The following SHTN1 variants were observed in gnomAD, a reference collection of about 807,000 sequenced individuals.
SHTN1 encodes shootin-1.
A neutral mutation model predicts 83.1 loss-of-function variants in SHTN1; 42 were observed. That is an observed-to-expected ratio of 0.51 (90% CI 0.39 to 0.65). The LOEUF (loss-of-function observed/expected upper bound fraction) is 0.65, where lower values mean the gene tolerates loss of function less well. Among genes scored for constraint, SHTN1 ranks in the 30% least tolerant of loss-of-function variants. SHTN1 has a pLI of 0.00. For missense variants in SHTN1, 622 were observed against 737.8 expected, an observed-to-expected ratio of 0.84 and a Z score of 1.82; for synonymous variants, 224 against 247.7, an observed-to-expected ratio of 0.90 and a Z score of 0.90.
intron 1 of SHTN1, among the ~76,000 whole-genome samples, chr10:116,996,803 A>G (rs938694380): frequency 6.6e-6 from 1 of 152,346 alleles, no homozygotes; most frequent in Admixed American, 6.5e-5. Flanking sequence ...AAGATATGAG[A>G]CAATATACTT....
intron 1 of SHTN1, among the ~76,000 whole-genome samples, chr10:117,120,719 C>A (rs1249736399): frequency 6.6e-6 from 1 of 151,892 alleles, no homozygotes; most frequent in East Asian, 1.9e-4. Context: ...AGCAGGGTGA[C>A]TATAATTTAC....
At chr10:116,927,736 C>T in intron 11 of SHTN1, 56 bp downstream of exon 11, 1 of 1,443,832 alleles carries the variant, frequency 6.9e-7, no homozygotes, top group Non-Finnish European at 9.1e-7. Context: ...CCTCTTATGG[C>T]ACAATCTGAT....
chr10:117,050,168 A>C (rs1444229686), intron 1 of SHTN1, among the ~76,000 whole-genome samples: 1 of 152,202 alleles, frequency 6.6e-6, no homozygotes, highest in African/African-American at 2.4e-5. Flanking sequence ...GTCTAACAAA[A>C]ATAGAACGAT....
rs180992135 is a variant in SHTN1 at position 116,888,211 on chromosome 10, T to C, written c.1674-1645A>G. 1.1e-4 allele frequency among the ~76,000 whole-genome samples: 17 copies of C among 152,328 alleles called. No homozygotes were observed. In the East Asian group the frequency reaches 3.1e-3, roughly 28 times the overall value. On this transcript the variant is annotated intron_variant, in intron 16 of 16. Transcript: ENST00000355371. ...TTGCCTGATTATGGCACCATGACAT[T>C]GTCCATCTACCTTGGCCAAGGAACT... is the stretch of plus-strand genomic sequence containing the variant.
chr10:117,081,301 T>G (rs1283118710), intron 1 of SHTN1, among the ~76,000 whole-genome samples: 1 of 151,026 alleles, frequency 6.6e-6, no homozygotes, highest in Admixed American at 6.6e-5. Flanking sequence ...ATCATGTGGT[T>G]TTTGTCTTTG....
At chr10:117,008,115 A>G (rs530004284), upstream of SHTN1, among the ~76,000 whole-genome samples, 1 of 151,956 alleles carries the variant, frequency 6.6e-6, no homozygotes, top group East Asian at 1.9e-4. Context: ...GTGTGTTTAC[A>G]TATATATATA....
At chr10:117,118,282 CA>C (rs2133644281) in intron 1 of SHTN1, among the ~76,000 whole-genome samples, 1 of 140,602 alleles carries the variant, frequency 7.1e-6, no homozygotes, top group East Asian at 2.2e-4. Flanking sequence ...ATACAAATGG[CA>C]AATAGGTATA....
intron 4 of SHTN1, among the ~76,000 whole-genome samples, chr10:116,954,709 G>T (rs963997941): frequency 1.3e-5 from 2 of 152,086 alleles, no homozygotes; most frequent in African/African-American, 4.8e-5. Flanking sequence ...ATTAGTCCAG[G>T]GATTAAACAC....
In SHTN1 at chr10:117,097,173, G is replaced by A. The variant is rs143980622; in HGVS notation, c.-189+29134C>T. 3.9e-3 allele frequency among the ~76,000 whole-genome samples: 595 copies of A among 152,202 alleles called. 4 individuals are homozygous for A. The highest frequency in any genetic ancestry group is 0.014 in the African/African-American group (561 of 41,538). ...GTTTGGTTCTCTGAAATCCAAAAAC[G>A]TAATTTCACTAGTTGAGACATTTGT... On this transcript the variant is annotated intron_variant, in intron 1 of 17. Transcript: ENST00000392901.
At chr10:116,971,236 T>C (rs2133463890) in intron 2 of SHTN1, among the ~76,000 whole-genome samples, 1 of 152,270 alleles carries the variant, frequency 6.6e-6, no homozygotes, top group African/African-American at 2.4e-5. Flanking sequence ...CCAGTCAAAA[T>C]GAGTTAGGCT....
chr10:117,036,575 A>C (rs923738014), intron 2 of SHTN1, among the ~76,000 whole-genome samples: 6 of 152,184 alleles, frequency 3.9e-5, no homozygotes, highest in African/African-American at 1.4e-4. Context: ...TTGTAAATCT[A>C]AAACTCAAAA....
intron 7 of SHTN1, among the ~76,000 whole-genome samples, chr10:116,948,091 A>G (rs1168372796): frequency 6.6e-6 from 1 of 152,216 alleles, no homozygotes; most frequent in Non-Finnish European, 1.5e-5. Flanking sequence ...AAGAGAGAAC[A>G]GAAAGTATAT....
At chr10:117,115,590 C>G (rs1304734108) in intron 1 of SHTN1, among the ~76,000 whole-genome samples, 1 of 152,150 alleles carries the variant, frequency 6.6e-6, no homozygotes, top group Admixed American at 6.5e-5. Flanking sequence ...TGGACTACTG[C>G]AAGTCTCCAA....
intron 1 of SHTN1, among the ~76,000 whole-genome samples, chr10:116,990,787 AG>A (rs1485249873): frequency 6.6e-6 from 1 of 152,018 alleles, no homozygotes; most frequent in East Asian, 1.9e-4. Flanking sequence ...GGTGGCACAC[AG>A]GTTATTGGGC....
At chr10:116,982,354 T>A (rs988595815) in intron 1 of SHTN1, among the ~76,000 whole-genome samples, 2 of 152,156 alleles carry the variant, frequency 1.3e-5, no homozygotes, top group African/African-American at 4.8e-5. Flanking sequence ...AGGGAAAGTA[T>A]GAGAATAATT....
At position 117,013,280 on chromosome 10, in the gene SHTN1, T is replaced by G. The variant is rs186160514; in HGVS notation, c.-122-33972A>C. Among the ~76,000 whole-genome samples the G allele has an allele frequency of 8.3e-4, 127 of 152,270 alleles. 1 individual carries two copies. The highest frequency in any genetic ancestry group is 3.0e-3 in the African/African-American group (123 of 41,562). On this transcript the variant is annotated intron_variant, in intron 2 of 17. Transcript: ENST00000392901. ...ACCTCTGCCTCCCTGGTTCAAGTGA[T>G]TCTCCTGCCTCAGCCTCCCCAGTAG...
At chr10:116,926,783 C>T (rs980895235) in intron 11 of SHTN1, among the ~76,000 whole-genome samples, 4 of 151,612 alleles carry the variant, frequency 2.6e-5, no homozygotes, top group African/African-American at 9.7e-5. Context: ...ACAAAAGCAG[C>T]TAACATCATG....
At chr10:116,964,477 A>G (rs1850318691) in intron 3 of SHTN1, among the ~76,000 whole-genome samples, 1 of 152,234 alleles carries the variant, frequency 6.6e-6, no homozygotes. Flanking sequence ...TTGCTTCTAG[A>G]GCAAATCTCT....
rs923303626 is a variant in SHTN1, at chr10:116,885,073, T to C, written c.*1271A>G. ...ATTATCTCCAAATTTAGGAAGTACA[T>C]GTACCTGCCTACCCACCTCTTCAAG... On this transcript the variant is annotated 3_prime_UTR_variant, in exon 17 of 17. Transcript: ENST00000355371. The C allele has an allele frequency of 2.0e-5, 3 of 152,640 alleles. No homozygotes were observed. Among genetic ancestry groups the C allele is most frequent in the African/African-American group, 7.2e-5 (3 of 41,458 alleles). 9.5% of individuals were successfully genotyped at this position (152,640 alleles called of 1,614,324 possible).
Sources: allele counts gnomAD v4.1 joint callset (sites outside exome capture counted in the v4.1 genomes callset), GRCh38; gene constraint gnomAD v4.1.1; transcripts MANE v1.5; gene names NCBI Gene and HGNC (gene_info 2026-07-23, HGNC 2026-07-21).